MDH2: variants seen among roughly 807,000 people sequenced by gnomAD.
The protein encoded by MDH2 is malate dehydrogenase 2.
MDH2 carries 25 observed loss-of-function variants against 33.6 expected under a neutral mutation model. The observed-to-expected ratio is 0.74, with a 90% CI of 0.54 to 1.04. The LOEUF (loss-of-function observed/expected upper bound fraction) is 1.04. MDH2 is among the 50% of genes least tolerant of loss of function. MDH2 has a pLI of 0.00. For missense variants in MDH2, 432 were observed against 445.0 expected, an observed-to-expected ratio of 0.97 and a Z score of 0.26; for synonymous variants, 193 against 188.7, an observed-to-expected ratio of 1.02 and a Z score of -0.19.
At position 76,064,782 on chromosome 7, in the gene MDH2, A is replaced by G. The variant is rs373304255; in HGVS notation, c.734-20A>G. 2 of 1,608,336 alleles carry G rather than the reference A, an allele frequency of 1.2e-6. No homozygotes were observed. The highest frequency in any genetic ancestry group is 1.7e-6 in the Non-Finnish European group (2 of 1,177,658). Reference sequence around the variant, plus strand: ...CACGTTTGTGGCACCAGCCAGGCTGACCTGTCTGTGCCCCCCTAGGCTCTG... The same window carrying G: ...CACGTTTGTGGCACCAGCCAGGCTGGCCTGTCTGTGCCCCCCTAGGCTCTG... On this transcript the variant is annotated intron_variant, in intron 7 of 8. Transcript: ENST00000315758.
rs201367969 is a variant in MDH2 at position 76,054,851 on chromosome 7, C to G, written c.88C>G (p.Leu30Val). ...TTAGAACAATGCTAAAGTAGCTGTG[C>G]TAGGGGCCTCTGGAGGCATCGGGCA... ...SAQNNAKVAV[L>V]GASGGIGQPL... Residue 30 changes from leucine (L) to valine (V), a missense_variant, in exon 2 of 9, where the codon CTA becomes GTA. Leu to Val is a conservative substitution (Grantham distance 32, BLOSUM62 1). Coordinates refer to ENST00000315758, the MANE Select transcript of MDH2 (RefSeq NM_005918.4). 1.1e-5 allele frequency: 18 copies of G among 1,613,990 alleles called. No homozygotes were observed. Among genetic ancestry groups the G allele is most frequent in the African/African-American group, 2.7e-5 (2 of 74,906 alleles).
intron 3 of MDH2, among the ~76,000 whole-genome samples, chr7:76,057,700 C>T (rs1053780396): frequency 1.3e-5 from 2 of 152,136 alleles, no homozygotes; most frequent in African/African-American, 2.4e-5. Context: ...TGTGCACGGA[C>T]GCCCTTCCCT....
intron 1 of MDH2, among the ~76,000 whole-genome samples, chr7:76,050,533 A>C (rs1329434792): frequency 6.6e-6 from 1 of 152,228 alleles, no homozygotes; most frequent in African/African-American, 2.4e-5. Context: ...GTTCCAGAGA[A>C]GGCAGTGGAG....
intron 1 of MDH2, chr7:76,048,700 G>A (rs1160245822): frequency 8.1e-7 from 1 of 1,240,164 alleles, no homozygotes; most frequent in African/African-American, 1.6e-5. Context: ...ACTGGGCCAG[G>A]GTTACAGTCA....
intron 4 of MDH2, 179 bp downstream of exon 4, chr7:76,058,257 T>G: frequency 5.0e-6 from 3 of 599,628 alleles, no homozygotes; most frequent in Non-Finnish European, 8.9e-6. Flanking sequence ...GTCCGTGCAC[T>G]TCCTAAGGAC....
At chr7:76,058,370 T>C (rs140605870) in intron 4 of MDH2, among the ~76,000 whole-genome samples, 1 of 152,330 alleles carries the variant, frequency 6.6e-6, no homozygotes, top group East Asian at 1.9e-4. Flanking sequence ...GAGAAGTCCA[T>C]TCTCAAGGCT....
intron 5 of MDH2, 76 bp from the exon 6 acceptor site, chr7:76,063,439 G>T: frequency 2.1e-6 from 3 of 1,431,896 alleles, no homozygotes; most frequent in Non-Finnish European, 3.0e-6. Context: ...TCCAGTGTTG[G>T]GGCTGTGGGC....
Position 76,058,007 on chromosome 7 carries a change from A to C in MDH2, c.358A>C (p.Ile120Leu), listed in dbSNP as rs1554586514. 1.9e-6 allele frequency: 3 copies of C among 1,614,122 alleles called. No homozygotes were observed. Among genetic ancestry groups the C allele is most frequent in the Non-Finnish European group, 2.5e-6 (3 of 1,180,046 alleles). ...CGACCTGTTCAACACCAATGCCACG[A>C]TTGTGGCCACCCTGACCGCTGCCTG... ...RDDLFNTNAT[I>L]VATLTAACAQ... The change falls in exon 4 of 9, where the codon ATT becomes CTT. Residue 120 changes from isoleucine to leucine, a missense_variant. Physicochemically the swap from Ile to Leu is conservative, Grantham distance 5 (BLOSUM62 2). Transcript: ENST00000315758.
At chr7:76,052,297 T>C (rs1364122868) in intron 1 of MDH2, among the ~76,000 whole-genome samples, 3 of 151,858 alleles carry the variant, frequency 2.0e-5, no homozygotes, top group African/African-American at 7.3e-5. Context: ...TTCTACAAAA[T>C]GAGTGGTGTG....
chr7:76,048,389 C>G, intron 1 of MDH2, 163 bp downstream of exon 1: 6 of 1,182,314 alleles, frequency 5.1e-6, no homozygotes, highest in Non-Finnish European at 6.8e-6. Flanking sequence ...CTGACACTGG[C>G]CTGGAGGTGC....
At chr7:76,051,697 T>C (rs938213407) in intron 1 of MDH2, among the ~76,000 whole-genome samples, 1 of 152,228 alleles carries the variant, frequency 6.6e-6, no homozygotes, top group Non-Finnish European at 1.5e-5. Flanking sequence ...TATGTACTAA[T>C]ATATACATTA....
chr7:76,048,576 C>T (rs1797419491), intron 1 of MDH2: 1 of 1,311,562 alleles, frequency 7.6e-7, no homozygotes, highest in Non-Finnish European at 9.7e-7. Context: ...TTTTCTGCAG[C>T]GTTCCATTGC....
rs565181552 is a variant in MDH2 at position 76,064,227 on chromosome 7, A to G, written c.634-112A>G. On this transcript the variant is annotated intron_variant, in intron 6 of 8. Transcript: ENST00000315758. The stretch of plus-strand genomic sequence containing the variant: ...TTCTTCTTTATAGAAAACCTTTCCC[A>G]TGCCCTGGTGATGGGAGGGAGAGGA... 1.0e-5 allele frequency: 7 copies of G among 695,532 alleles called. No homozygotes were observed. In the African/African-American group the frequency reaches 1.3e-4, roughly 13 times the overall value. 43.1% of individuals were successfully genotyped at this position (695,532 alleles called of 1,614,324 possible). A position where few individuals can be genotyped will look rare whatever the true frequency, so the allele number is the denominator to read the frequency against.
intron 1 of MDH2, among the ~76,000 whole-genome samples, chr7:76,053,093 T>C (rs545269936): frequency 1.4e-4 from 22 of 152,324 alleles, no homozygotes; most frequent in African/African-American, 4.8e-4. Flanking sequence ...GATAACGGAA[T>C]AGAATGAAGA....
intron 3 of MDH2, 147 bp from the exon 4 acceptor site, chr7:76,057,822 C>G (rs1387456093): frequency 5.6e-6 from 4 of 718,314 alleles, no homozygotes; most frequent in Non-Finnish European, 9.4e-6. Context: ...ACTCATCATG[C>G]TGGATCATTT....
rs1797373173 is a variant in MDH2, at chr7:76,048,135, C to T, written c.-26C>T. ...CCCCGTCACCAGCTCCTGTGCCTGC[C>T]AGTCGGTGCCCCTCCCGCTCCAGCC... On this transcript the variant is annotated 5_prime_UTR_variant, in exon 1 of 9. Transcript: ENST00000315758. The T allele has an allele frequency of 1.3e-6, 2 of 1,536,362 alleles. No individual in the cohort carries two copies. Among genetic ancestry groups the T allele is most frequent in the Non-Finnish European group, 1.7e-6 (2 of 1,146,384 alleles).
In MDH2 at chr7:76,064,796, C is replaced by A; in HGVS notation, c.734-6C>A. On this transcript the variant is annotated splice_region_variant and splice_polypyrimidine_tract_variant and intron_variant, in intron 7 of 8. Transcript: ENST00000315758. Reference sequence around the variant, plus strand: ...CAGCCAGGCTGACCTGTCTGTGCCCCCCTAGGCTCTGCCACCCTCTCCATG... The same window carrying A: ...CAGCCAGGCTGACCTGTCTGTGCCCACCTAGGCTCTGCCACCCTCTCCATG... The A allele has an allele frequency of 6.2e-7, 1 of 1,613,042 alleles. No individual in the cohort carries two copies. The highest frequency in any genetic ancestry group is 8.5e-7 in the Non-Finnish European group (1 of 1,179,702).
intron 5 of MDH2, among the ~76,000 whole-genome samples, chr7:76,061,658 A>C (rs1368179691): frequency 1.3e-5 from 2 of 151,412 alleles, no homozygotes; most frequent in African/African-American, 4.9e-5. Context: ...AAAAAAAAAA[A>C]CAGTTTGAGT....
chr7:76,061,065 C>T (rs1554586933), intron 5 of MDH2, among the ~76,000 whole-genome samples: 1 of 152,140 alleles, frequency 6.6e-6, no homozygotes, highest in Non-Finnish European at 1.5e-5. Context: ...GACTGAGCTG[C>T]TGGGTGTGGC....
Sources: gnomAD v4.1 joint callset for allele counts (sites outside exome capture counted in the v4.1 genomes callset) on GRCh38, gnomAD v4.1.1 for gene constraint, MANE v1.5 for transcripts, NCBI Gene and HGNC (gene_info 2026-07-23, HGNC 2026-07-21) for gene names.